VGLL4: variants seen among roughly 807,000 people sequenced by gnomAD.
VGLL4 encodes vestigial like family member 4, also known as transcription cofactor vestigial-like protein 4.
In VGLL4, 7 loss-of-function variants were observed where a neutral mutation model predicts 21.0. The observed-to-expected ratio is 0.33, with a 90% confidence interval of 0.19 to 0.63. The LOEUF (loss-of-function observed/expected upper bound fraction) is 0.63. VGLL4 is among the 20% of genes least tolerant of loss of function. VGLL4 has a pLI of 0.78. For synonymous variants in VGLL4, 222 were observed against 173.2 expected (o/e 1.28, Z -2.21); for missense variants, 394 against 425.7 (o/e 0.93, Z 0.66).
At chr3:11,596,140 T>C (rs1255645803) in intron 2 of VGLL4, among the ~76,000 whole-genome samples, 2 of 152,148 alleles carry the variant, frequency 1.3e-5, no homozygotes, top group Non-Finnish European at 2.9e-5. Context: ...GGGAGTAACA[T>C]TAAAAGCACA....
At chr3:11,619,823 A>T (rs2075231099) in intron 1 of VGLL4, among the ~76,000 whole-genome samples, 1 of 152,202 alleles carries the variant, frequency 6.6e-6, no homozygotes, top group Admixed American at 6.5e-5. Flanking sequence ...GCCTCAAGGC[A>T]TTAACTCGAG....
Position 11,674,831 on chromosome 3 carries a change from G to A in VGLL4, c.64+28140C>T, listed in dbSNP as rs370952493. Among the ~76,000 whole-genome samples the A allele has an allele frequency of 2.3e-4, 35 of 152,234 alleles. No individual in the cohort carries two copies. The South Asian group carries it at 7.3e-3, about 32-fold the overall frequency. On this transcript the variant is annotated intron_variant, in intron 2 of 5. Transcript: ENST00000273038. ...GGGGAGAAATATAAGTGAACAGGAGGAGAAGAAAGTAATAAGGGGGGGAAA... is the reference window on the plus strand; with the variant it reads ...GGGGAGAAATATAAGTGAACAGGAGAAGAAGAAAGTAATAAGGGGGGGAAA...
rs2072597462 is a variant in VGLL4 at position 11,558,001 on chromosome 3, TTTCA to T, written c.*551_*554del. The T allele has an allele frequency of 6.4e-6, 1 of 155,644 alleles. No individual in the cohort carries two copies. The highest frequency in any genetic ancestry group is 6.2e-5 in the Admixed American group (1 of 16,014). The allele number at this position is 155,644 out of a possible 1,614,324, so 9.6% of individuals were successfully genotyped here. On this transcript the variant is annotated 3_prime_UTR_variant, in exon 5 of 5. Transcript: ENST00000430365. ...AAATGTCATCCTTAAACCCTTTGTT[TTTCA>T]GCAGTTTGCCCTCAGAGTTCTGGCA... is the stretch of plus-strand genomic sequence containing the variant.
chr3:11,573,264 A>AG (rs2073866414), intron 2 of VGLL4, among the ~76,000 whole-genome samples: 1 of 19,868 alleles, frequency 5.0e-5, no homozygotes, highest in African/African-American at 5.7e-4. Flanking sequence ...AGAAAGAAAG[A>AG]AAGAAAGAAA....
intron 2 of VGLL4, among the ~76,000 whole-genome samples, chr3:11,664,162 C>T (rs371513971): frequency 3.3e-5 from 5 of 152,102 alleles, no homozygotes; most frequent in Non-Finnish European, 7.4e-5. Context: ...AGCTTGAACC[C>T]GGGAGGCGGA....
At chr3:11,675,603 G>C (rs2076278820) in intron 2 of VGLL4, among the ~76,000 whole-genome samples, 1 of 152,118 alleles carries the variant, frequency 6.6e-6, no homozygotes, top group Non-Finnish European at 1.5e-5. Context: ...CCATTCCATA[G>C]ACCTTTACAG....
intron 1 of VGLL4, among the ~76,000 whole-genome samples, chr3:11,622,463 G>A (rs532725753): frequency 2.0e-5 from 3 of 152,118 alleles, no homozygotes; most frequent in African/African-American, 7.2e-5. Flanking sequence ...AACCTAATGT[G>A]TGTTTGGCCA....
At chr3:11,585,308 T>C (rs1171646274) in intron 2 of VGLL4, among the ~76,000 whole-genome samples, 1 of 152,114 alleles carries the variant, frequency 6.6e-6, no homozygotes, top group Admixed American at 6.5e-5. Flanking sequence ...TGGTGGCGCA[T>C]GCCTGTAGTC....
chr3:11,567,998 G>A (rs1444062044), intron 2 of VGLL4, among the ~76,000 whole-genome samples: 2 of 152,136 alleles, frequency 1.3e-5, no homozygotes, highest in African/African-American at 2.4e-5. Context: ...CTCAACCAGC[G>A]CTAGTTAAGT....
intron 1 of VGLL4, among the ~76,000 whole-genome samples, chr3:11,608,156 CAGAA>C (rs1157909186): frequency 6.6e-6 from 1 of 152,166 alleles, no homozygotes; most frequent in Admixed American, 6.5e-5. Context: ...CAAGAATAAA[CAGAA>C]GGAAGATTTG....
intron 2 of VGLL4, among the ~76,000 whole-genome samples, chr3:11,698,348 A>T (rs2076632746): frequency 6.6e-6 from 1 of 152,126 alleles, no homozygotes; most frequent in Non-Finnish European, 1.5e-5. Flanking sequence ...TCCTCTACTA[A>T]AATACAAAAA....
chr3:11,665,113 T>TC (rs2076099324), intron 2 of VGLL4, among the ~76,000 whole-genome samples: 1 of 127,184 alleles, frequency 7.9e-6, no homozygotes, highest in African/African-American at 3.1e-5. Context: ...TTTTTTTTTT[T>TC]TTTTTTTTTT....
intron 1 of VGLL4, among the ~76,000 whole-genome samples, chr3:11,638,970 C>G (rs1286486839): frequency 2.0e-5 from 3 of 152,178 alleles, no homozygotes; most frequent in East Asian, 1.9e-4. Flanking sequence ...AACAATGAAC[C>G]GTTCTAAAGC....
intron 2 of VGLL4, among the ~76,000 whole-genome samples, chr3:11,691,319 C>A (rs2076524051): frequency 6.6e-6 from 1 of 151,596 alleles, no homozygotes; most frequent in Non-Finnish European, 1.5e-5. Flanking sequence ...GAAAGTCTTA[C>A]ATAAAAATCC....
chr3:11,584,328 T>C (rs2074311327), intron 2 of VGLL4, among the ~76,000 whole-genome samples: 1 of 151,658 alleles, frequency 6.6e-6, no homozygotes, highest in South Asian at 2.1e-4. Context: ...TCAAGTTCTC[T>C]AGTAGCAGAA....
chr3:11,721,152 A>G (rs1417113212), upstream of VGLL4: 1 of 152,178 alleles, frequency 6.6e-6, no homozygotes, highest in East Asian at 1.9e-4. Flanking sequence ...GGCTCTGCTG[A>G]AAGGGAATGA....
At chr3:11,676,671 G>A (rs1298559190) in intron 2 of VGLL4, among the ~76,000 whole-genome samples, 1 of 151,658 alleles carries the variant, frequency 6.6e-6, no homozygotes, top group Non-Finnish European at 1.5e-5. Context: ...TAAAAGGTTT[G>A]CATATAAATA....
chr3:11,641,074 G>T (rs796817677), intron 1 of VGLL4, among the ~76,000 whole-genome samples: 1 of 143,690 alleles, frequency 7.0e-6, no homozygotes, highest in African/African-American at 2.6e-5. Flanking sequence ...CCAAGATCGC[G>T]CCATTGCACT....
intron 1 of VGLL4, among the ~76,000 whole-genome samples, chr3:11,627,681 T>C (rs967568142): frequency 6.6e-6 from 1 of 152,086 alleles, no homozygotes; most frequent in Non-Finnish European, 1.5e-5. Flanking sequence ...CCAAGGTAAC[T>C]ATTACTTATT....
Sources: allele counts gnomAD v4.1 joint callset (sites outside exome capture counted in the v4.1 genomes callset), GRCh38; gene constraint gnomAD v4.1.1; transcripts MANE v1.5; gene names NCBI Gene and HGNC (gene_info 2026-07-23, HGNC 2026-07-21).